The following C22orf42 variants were observed in gnomAD, a reference collection of about 807,000 sequenced individuals.
C22orf42 encodes the protein uncharacterized protein C22orf42.
A neutral mutation model predicts 31.4 loss-of-function variants in C22orf42; 24 were observed. That is an observed-to-expected ratio of 0.77 (90% confidence interval 0.55 to 1.08). The LOEUF is 1.08. C22orf42 is among the 50% of genes least tolerant of loss of function. The probability of loss-of-function intolerance (pLI) is 0.00; values close to 1 mark genes in which losing one functional copy is unlikely to be tolerated. For synonymous variants in C22orf42, 96 were observed against 112.7 expected (o/e 0.85, Z 0.94); for missense variants, 276 against 327.3 (o/e 0.84, Z 1.21).
chr22:32,152,450 G>A lies in C22orf42; in HGVS notation c.372+112C>T, dbSNP rs1223005740. On this transcript the variant is annotated intron_variant, in intron 3 of 8. Coordinates refer to ENST00000382097, the MANE Select transcript of C22orf42 (RefSeq NM_001010859.3). The stretch of plus-strand genomic sequence containing the variant: ...CCAGTGACCGGTCTCTAGAGTCCAT[G>A]ACACTGAGGCCTGAATCATGATGGC... 2.0e-5 allele frequency: 19 copies of A among 927,314 alleles called. No homozygotes were observed. The East Asian group carries it at 4.5e-4, about 22-fold the overall frequency. 57.4% of individuals were successfully genotyped at this position (927,314 alleles called of 1,614,324 possible). A position where few individuals can be genotyped will look rare whatever the true frequency, so the allele number is the denominator to read the frequency against.
chr22:32,159,388 G>T, upstream of C22orf42: 1 of 1,429,900 alleles, frequency 7.0e-7, no homozygotes, highest in East Asian at 2.5e-5. Flanking sequence ...AGTCAGGCTA[G>T]TGGCTCACAA....
chr22:32,157,998 T>G (rs1921364029), intron 1 of C22orf42, among the ~76,000 whole-genome samples: 1 of 152,248 alleles, frequency 6.6e-6, no homozygotes, highest in Admixed American at 6.5e-5. Context: ...CCCTGGGCAA[T>G]GAAATCAATA....
At chr22:32,150,611 A>C in intron 6 of C22orf42, 132 bp from the exon 7 acceptor site, 1 of 846,134 alleles carries the variant, frequency 1.2e-6, no homozygotes, top group Non-Finnish European at 1.9e-6. Context: ...CTGCTGCTGG[A>C]CCATTCTCCT....
At chr22:32,157,242 C>T (rs1416483829) in intron 1 of C22orf42, among the ~76,000 whole-genome samples, 1 of 152,016 alleles carries the variant, frequency 6.6e-6, no homozygotes, top group Non-Finnish European at 1.5e-5. Context: ...CCACCAGCCT[C>T]CTAGCTGGTC....
At chr22:32,152,021 A>G (rs1460314843) in intron 4 of C22orf42, 46 bp downstream of exon 4, 1 of 1,554,758 alleles carries the variant, frequency 6.4e-7, no homozygotes, top group African/African-American at 1.4e-5. Context: ...ATTGTTTTGC[A>G]TGTCAACTAC....
intron 1 of C22orf42, among the ~76,000 whole-genome samples, chr22:32,156,768 A>T (rs9609457): frequency 6.8e-6 from 1 of 146,990 alleles, no homozygotes; most frequent in African/African-American, 2.6e-5. Context: ...TAGACATTTC[A>T]GTTATTTCCA....
chr22:32,156,091 C>A (rs562594946), intron 1 of C22orf42, among the ~76,000 whole-genome samples: 1 of 152,268 alleles, frequency 6.6e-6, no homozygotes, highest in East Asian at 1.9e-4. Flanking sequence ...TTCTCATTAT[C>A]TAATGTTACT....
intron 1 of C22orf42, among the ~76,000 whole-genome samples, chr22:32,156,999 C>T (rs1921294364): frequency 6.6e-6 from 1 of 152,190 alleles, no homozygotes; most frequent in Non-Finnish European, 1.5e-5. Flanking sequence ...AATGTATTGC[C>T]ACGTTTTTGG....
At chr22:32,152,031 C>T (rs1294882632) in intron 4 of C22orf42, 36 bp downstream of exon 4, 13 of 1,578,550 alleles carry the variant, frequency 8.2e-6, no homozygotes, top group Non-Finnish European at 1.1e-5. Flanking sequence ...ATGTCAACTA[C>T]ATGTAAATAA....
intron 1 of C22orf42, among the ~76,000 whole-genome samples, chr22:32,155,854 G>A (rs1282879728): frequency 1.3e-5 from 2 of 152,092 alleles, no homozygotes; most frequent in African/African-American, 2.4e-5. Flanking sequence ...GCAACATAGC[G>A]AGACCTCTTC....
chr22:32,157,330 A>G (rs1000790654), intron 1 of C22orf42, among the ~76,000 whole-genome samples: 1 of 152,184 alleles, frequency 6.6e-6, no homozygotes, highest in East Asian at 1.9e-4. Context: ...GAGGATTAAC[A>G]GTAATCCCCA....
intron 6 of C22orf42, 68 bp downstream of exon 6, chr22:32,150,924 C>G (rs759758505): frequency 1.9e-5 from 29 of 1,489,126 alleles, no homozygotes; most frequent in Non-Finnish European, 2.5e-5. Flanking sequence ...GAATCACTTA[C>G]GTTAAATGGG....
chr22:32,154,336 C>T lies in C22orf42; in HGVS notation c.233-18G>A, dbSNP rs760273389. The T allele has an allele frequency of 7.5e-6, 12 of 1,608,576 alleles. No individual in the cohort carries two copies. In the East Asian group the frequency reaches 1.3e-4, roughly 18 times the overall value. The stretch of plus-strand genomic sequence containing the variant: ...GTCCAAACCTGCAAGGTAGAGCAGA[C>T]TTCTTATAGATTCTAGGAAATGTAT... On this transcript the variant is annotated intron_variant, in intron 1 of 8. Coordinates refer to ENST00000382097, the MANE Select transcript of C22orf42 (RefSeq NM_001010859.3).
intron 1 of C22orf42, 140 bp from the exon 2 acceptor site, chr22:32,154,458 C>G: frequency 1.8e-6 from 2 of 1,123,698 alleles, no homozygotes; most frequent in South Asian, 3.6e-5. Flanking sequence ...CCGGTTTGCA[C>G]CGTCTGCTTT....
intron 1 of C22orf42, among the ~76,000 whole-genome samples, chr22:32,156,807 A>G (rs1263335478): frequency 6.6e-6 from 1 of 151,514 alleles, no homozygotes. Flanking sequence ...TAATGCAACA[A>G]GGACTTTGTG....
At chr22:32,153,897 G>A (rs1011193904) in intron 2 of C22orf42, among the ~76,000 whole-genome samples, 4 of 151,146 alleles carry the variant, frequency 2.6e-5, no homozygotes, top group Non-Finnish European at 5.9e-5. Context: ...AGTGGCACGT[G>A]CCTTATGGCC....
chr22:32,159,576 G>A, upstream of C22orf42: 1 of 782,974 alleles, frequency 1.3e-6, no homozygotes, highest in African/African-American at 1.8e-5. Context: ...CCTGGGCAAT[G>A]AACTCAATAG....
rs771918850 is a variant in C22orf42, at chr22:32,149,725, A to G, written c.682+28T>C. 12 of 1,224,144 alleles carry G rather than the reference A, an allele frequency of 9.8e-6. 1 individual carries two copies. In the South Asian group the frequency reaches 1.3e-4, roughly 13 times the overall value. The allele number at this position is 1,224,144 out of a possible 1,614,324, so 75.8% of individuals were successfully genotyped here. On this transcript the variant is annotated intron_variant, in intron 8 of 8. Transcript: ENST00000382097. ...TATATCTATATCTACATATATATCT[A>G]TATATATCTAGATATATATATACTT...
upstream of C22orf42, chr22:32,159,347 C>G: frequency 1.4e-6 from 2 of 1,445,766 alleles, no homozygotes; most frequent in Non-Finnish European, 1.8e-6. Flanking sequence ...CACAAAACCT[C>G]CTATGTCACC....
Sources: allele counts gnomAD v4.1 joint callset (sites outside exome capture counted in the v4.1 genomes callset), GRCh38; gene constraint gnomAD v4.1.1; transcripts MANE v1.5; gene names NCBI Gene and HGNC (gene_info 2026-07-23, HGNC 2026-07-21).